SLC16A7: variants seen among roughly 807,000 people sequenced by gnomAD.
SLC16A7 encodes the protein solute carrier family 16 member 7.
A neutral mutation model predicts 34.9 loss-of-function variants in SLC16A7; 33 were observed. The observed-to-expected ratio is 0.94, with a 90% CI of 0.72 to 1.26. The LOEUF is 1.26. Among genes scored for constraint, SLC16A7 ranks in the 50% most tolerant of loss-of-function variants. The pLI is 0.00. For synonymous variants in SLC16A7, 201 were observed against 206.6 expected (o/e 0.97, Z 0.23); for missense variants, 573 against 578.1 (o/e 0.99, Z 0.09).
In SLC16A7 at chr12:59,721,730, A is replaced by G. The variant is rs76531542; in HGVS notation, c.217+16712A>G. 2.1e-3 allele frequency among the ~76,000 whole-genome samples: 316 copies of G among 152,004 alleles called. 1 individual carries two copies. The highest frequency in any genetic ancestry group is 6.8e-3 in the Middle Eastern group (2 of 294). On this transcript the variant is annotated intron_variant, in intron 3 of 5. Coordinates refer to ENST00000547379, the MANE Select transcript of SLC16A7 (RefSeq NM_001270623.2). ...TCTTTCCAAGTTTCTCAGGACTTCAATGCTACCAATGTAGTGGTCATTTCT... is the reference window on the plus strand; with the variant it reads ...TCTTTCCAAGTTTCTCAGGACTTCAGTGCTACCAATGTAGTGGTCATTTCT...
chr12:59,637,456 T>G (rs1245618266), intron 1 of SLC16A7, among the ~76,000 whole-genome samples: 1 of 152,056 alleles, frequency 6.6e-6, no homozygotes, highest in Non-Finnish European at 1.5e-5. Context: ...TCTGTTTTTT[T>G]TTTTCTCTTC....
Position 59,785,117 on chromosome 12 carries a change from G to GC in SLC16A7, c.*5441dup, listed in dbSNP as rs1883519542. On this transcript the variant is annotated 3_prime_UTR_variant, in exon 6 of 6. Coordinates refer to ENST00000547379, the MANE Select transcript of SLC16A7 (RefSeq NM_001270623.2). Reference sequence around the variant, plus strand: ...TGAGAAGGCACTTAAAAGCTGAAAGGCCCAATTATCAGTAATTATAATGCT... The same window carrying GC: ...TGAGAAGGCACTTAAAAGCTGAAAGGCCCCAATTATCAGTAATTATAATGCT... 6.6e-6 allele frequency: 1 copy of GC among 152,078 alleles called. No individual in the cohort carries two copies. The highest frequency in any genetic ancestry group is 2.4e-5 in the African/African-American group (1 of 41,422). 9.4% of individuals were successfully genotyped at this position (152,078 alleles called of 1,614,324 possible).
chr12:59,649,133 C>T (rs562108474), intron 1 of SLC16A7, among the ~76,000 whole-genome samples: 2 of 152,098 alleles, frequency 1.3e-5, no homozygotes, highest in African/African-American at 4.8e-5. Context: ...AAGACGATGA[C>T]TTATATAAAT....
At chr12:59,765,214 T>C (rs1319946894) in intron 3 of SLC16A7, among the ~76,000 whole-genome samples, 1 of 152,202 alleles carries the variant, frequency 6.6e-6, no homozygotes, top group Non-Finnish European at 1.5e-5. Flanking sequence ...TTGAGTTCAT[T>C]GTAGATTCTG....
At chr12:59,678,178 G>C (rs112354280) in intron 2 of SLC16A7, among the ~76,000 whole-genome samples, 10,820 of 152,240 alleles carry the variant, frequency 0.071, 423 homozygotes, top group Middle Eastern at 0.17. Flanking sequence ...GCTCTTCTCT[G>C]CCTCTCTCTT....
intron 3 of SLC16A7, among the ~76,000 whole-genome samples, chr12:59,730,212 GAAA>G (rs3084988): frequency 2.6e-4 from 38 of 146,238 alleles, no homozygotes; most frequent in Non-Finnish European, 3.8e-4. Context: ...CAATACAAAA[GAAA>G]AAAAAAAAAC....
chr12:59,735,057 A>C (rs1877427882), intron 3 of SLC16A7, among the ~76,000 whole-genome samples: 1 of 152,212 alleles, frequency 6.6e-6, no homozygotes, highest in Non-Finnish European at 1.5e-5. Context: ...TGTCTTTTAT[A>C]GCTTATGAAT....
At chr12:59,711,491 A>T (rs1250906159) in intron 3 of SLC16A7, among the ~76,000 whole-genome samples, 1 of 152,154 alleles carries the variant, frequency 6.6e-6, no homozygotes, top group East Asian at 1.9e-4. Context: ...CATGAAATAT[A>T]ATGCTTAGTA....
At position 59,786,766 on chromosome 12, in the gene SLC16A7, T is replaced by C. The variant is rs1251521080; in HGVS notation, c.*7087T>C. 2.0e-5 allele frequency: 3 copies of C among 152,146 alleles called. No individual in the cohort carries two copies. Among genetic ancestry groups the C allele is most frequent in the Non-Finnish European group, 4.4e-5 (3 of 67,990 alleles). The allele number at this position is 152,146 out of a possible 1,614,324, so 9.4% of individuals were successfully genotyped here. A position where few individuals can be genotyped will look rare whatever the true frequency, so the allele number is the denominator to read the frequency against. ...CTCTGAATAAATGCAGGGTTGGAGA[T>C]AGAATTCAGGTCTTTTAACTTCTAA... On this transcript the variant is annotated 3_prime_UTR_variant, in exon 6 of 6. Coordinates refer to ENST00000547379, the MANE Select transcript of SLC16A7 (RefSeq NM_001270623.2).
chr12:59,668,259 G>T (rs1488060670), intron 2 of SLC16A7, among the ~76,000 whole-genome samples: 2 of 152,160 alleles, frequency 1.3e-5, no homozygotes, highest in African/African-American at 2.4e-5. Context: ...CCAACAGCTT[G>T]CACTGTGAAC....
At chr12:59,730,237 A>G (rs1876780922) in intron 3 of SLC16A7, among the ~76,000 whole-genome samples, 2 of 151,718 alleles carry the variant, frequency 1.3e-5, no homozygotes, top group African/African-American at 4.8e-5. Flanking sequence ...CTTCTGACTC[A>G]TATTTAGGCA....
intron 3 of SLC16A7, among the ~76,000 whole-genome samples, chr12:59,709,110 T>C (rs1266239660): frequency 2.0e-5 from 3 of 151,656 alleles, no homozygotes; most frequent in African/African-American, 4.9e-5. Flanking sequence ...GCAATATTTG[T>C]TTTTGTATTC....
chr12:59,741,367 G>T (rs113188929), intron 3 of SLC16A7, among the ~76,000 whole-genome samples: 2 of 152,156 alleles, frequency 1.3e-5, no homozygotes, highest in Non-Finnish European at 2.9e-5. Flanking sequence ...GTGGTGTCAG[G>T]AGGAACAAAC....
chr12:59,652,769 G>T (rs1868364584), intron 1 of SLC16A7, among the ~76,000 whole-genome samples: 1 of 151,438 alleles, frequency 6.6e-6, no homozygotes, highest in African/African-American at 2.4e-5. Flanking sequence ...AGTAAGTATA[G>T]CATATACTTT....
intron 3 of SLC16A7, among the ~76,000 whole-genome samples, chr12:59,725,089 T>C (rs1433349420): frequency 2.0e-5 from 3 of 152,042 alleles, no homozygotes; most frequent in African/African-American, 7.3e-5. Context: ...CCAAATTTAA[T>C]CACAGAGATA....
chr12:59,605,086 T>G (rs1034245807), intron 1 of SLC16A7, among the ~76,000 whole-genome samples: 7 of 152,134 alleles, frequency 4.6e-5, no homozygotes, highest in African/African-American at 1.7e-4. Context: ...CTCCTGACCT[T>G]TTGATCCTCC....
At chr12:59,721,431 A>T (rs137916294) in intron 3 of SLC16A7, among the ~76,000 whole-genome samples, 1 of 152,114 alleles carries the variant, frequency 6.6e-6, no homozygotes, top group Non-Finnish European at 1.5e-5. Flanking sequence ...TACTGTGGAC[A>T]AAATTGTATC....
chr12:59,624,645 A>G (rs886559828), intron 1 of SLC16A7, among the ~76,000 whole-genome samples: 2 of 151,708 alleles, frequency 1.3e-5, no homozygotes, highest in East Asian at 3.9e-4. Flanking sequence ...ATGAAATTGG[A>G]ATAACTATTG....
chr12:59,681,025 C>T (rs760129100), intron 2 of SLC16A7, among the ~76,000 whole-genome samples: 4 of 152,174 alleles, frequency 2.6e-5, no homozygotes, highest in Non-Finnish European at 5.9e-5. Context: ...ATGTAAAGTT[C>T]TTGTCCTCTA....
Sources: allele counts gnomAD v4.1 joint callset (sites outside exome capture counted in the v4.1 genomes callset), GRCh38; gene constraint gnomAD v4.1.1; transcripts MANE v1.5; gene names NCBI Gene and HGNC (gene_info 2026-07-23, HGNC 2026-07-21).